The following NRG3 variants were observed in gnomAD, a reference collection of about 807,000 sequenced individuals.
NRG3 encodes the protein pro-neuregulin-3, membrane-bound isoform.
NRG3 carries 31 observed loss-of-function variants against 66.9 expected under a neutral mutation model. The observed-to-expected ratio is 0.46, with a 90% CI of 0.35 to 0.63. The LOEUF is 0.63. NRG3 is among the 20% of genes least tolerant of loss of function. NRG3 has a pLI of 0.00. For missense variants in NRG3, 910 were observed against 878.9 expected, an observed-to-expected ratio of 1.04 and a Z score of -0.45; for synonymous variants, 393 against 359.4, an observed-to-expected ratio of 1.09 and a Z score of -1.06.
intron 3 of NRG3, among the ~76,000 whole-genome samples, chr10:82,843,458 C>A (rs546899960): frequency 6.6e-6 from 1 of 152,046 alleles, no homozygotes; most frequent in South Asian, 2.1e-4. Flanking sequence ...TTCTATTCAT[C>A]GTAAATTACA....
At chr10:82,583,960 C>T (rs140251588) in intron 2 of NRG3, among the ~76,000 whole-genome samples, 1 of 152,042 alleles carries the variant, frequency 6.6e-6, no homozygotes, top group African/African-American at 2.4e-5. Context: ...TATTTATAAC[C>T]CTTATTTATA....
intron 2 of NRG3, among the ~76,000 whole-genome samples, chr10:82,549,456 G>T (rs145150164): frequency 6.6e-6 from 1 of 152,284 alleles, no homozygotes; most frequent in African/African-American, 2.4e-5. Context: ...AATGCAGAGG[G>T]TAGGGAGCCA....
intron 1 of NRG3, among the ~76,000 whole-genome samples, chr10:82,182,797 AT>A (rs1365623182): frequency 6.6e-6 from 1 of 151,700 alleles, no homozygotes; most frequent in Non-Finnish European, 1.5e-5. Flanking sequence ...CTCCATTAGC[AT>A]TTTTTTGTAG....
intron 2 of NRG3, among the ~76,000 whole-genome samples, chr10:82,473,455 A>AT (rs1177312551): frequency 4.6e-5 from 7 of 152,236 alleles, no homozygotes; most frequent in African/African-American, 1.7e-4. Flanking sequence ...CCATGGCAAC[A>AT]TGAAAACAAA....
chr10:82,441,375 C>T (rs772683456), intron 2 of NRG3, among the ~76,000 whole-genome samples: 10 of 152,154 alleles, frequency 6.6e-5, no homozygotes, highest in South Asian at 4.1e-4. Flanking sequence ...GGATGATTTG[C>T]GAGTCAACTG....
chr10:82,916,590 A>T (rs989747876), intron 4 of NRG3, among the ~76,000 whole-genome samples: 2 of 152,076 alleles, frequency 1.3e-5, no homozygotes, highest in South Asian at 4.1e-4. Flanking sequence ...ATAGATGCAT[A>T]TTAAGTACAA....
At chr10:82,494,968 T>G (rs983687600) in intron 2 of NRG3, among the ~76,000 whole-genome samples, 1 of 151,932 alleles carries the variant, frequency 6.6e-6, no homozygotes, top group African/African-American at 2.4e-5. Flanking sequence ...TGAGACAGTG[T>G]CTTGCTCTGT....
At chr10:82,246,017 G>GT (rs2077228484) in intron 1 of NRG3, among the ~76,000 whole-genome samples, 1 of 95,154 alleles carries the variant, frequency 1.1e-5, no homozygotes, top group Non-Finnish European at 1.9e-5. Flanking sequence ...AACATATATT[G>GT]TGAAACACTC....
intron 1 of NRG3, among the ~76,000 whole-genome samples, chr10:82,024,982 T>G (rs545179275): frequency 6.6e-6 from 1 of 152,196 alleles, no homozygotes; most frequent in South Asian, 2.1e-4. Context: ...TTCAATCTGT[T>G]CAGTGCTAAG....
chr10:82,508,922 C>T (rs978036430), intron 2 of NRG3, among the ~76,000 whole-genome samples: 1 of 152,154 alleles, frequency 6.6e-6, no homozygotes, highest in East Asian at 1.9e-4. Flanking sequence ...CATTTTTCTT[C>T]ATCTTTGGGA....
chr10:82,784,670 A>C (rs1213381130), intron 3 of NRG3, among the ~76,000 whole-genome samples: 2 of 152,050 alleles, frequency 1.3e-5, no homozygotes, highest in Non-Finnish European at 2.9e-5. Context: ...ATCTCACACC[A>C]GTTAGAATGG....
chr10:82,438,944 A>G (rs762396562), intron 2 of NRG3, among the ~76,000 whole-genome samples: 17 of 150,220 alleles, frequency 1.1e-4, no homozygotes, highest in Non-Finnish European at 2.5e-4. Context: ...TTTTTTTTTC[A>G]TATGAGTCTC....
chr10:82,377,769 G>A (rs536216902), intron 2 of NRG3, among the ~76,000 whole-genome samples: 1 of 152,168 alleles, frequency 6.6e-6, no homozygotes, highest in South Asian at 2.1e-4. Context: ...GGCTTTCCTG[G>A]CTTCCCTGCT....
At position 82,087,851 on chromosome 10, in the gene NRG3, G is replaced by A. The variant is rs183480684; in HGVS notation, c.823+211688G>A. ...GTCCACTCCAGGTCTCAGCCTATTAGCACATCCTAGTTCCCTGGCCATGTT... is the reference window on the plus strand; with the variant it reads ...GTCCACTCCAGGTCTCAGCCTATTAACACATCCTAGTTCCCTGGCCATGTT... On this transcript the variant is annotated intron_variant, in intron 1 of 8. Transcript: ENST00000372141. Among the ~76,000 whole-genome samples, 61 of 152,238 alleles carry A rather than the reference G, an allele frequency of 4.0e-4. 2 individuals carry two copies. The East Asian group carries it at 8.9e-3, about 22-fold the overall frequency.
At chr10:82,024,905 A>G (rs1271515295) in intron 1 of NRG3, among the ~76,000 whole-genome samples, 1 of 152,084 alleles carries the variant, frequency 6.6e-6, no homozygotes, top group Non-Finnish European at 1.5e-5. Context: ...TTTATTTGAG[A>G]GGTTAAATTT....
At chr10:82,585,929 C>A (rs2133259372) in intron 2 of NRG3, among the ~76,000 whole-genome samples, 1 of 152,228 alleles carries the variant, frequency 6.6e-6, no homozygotes, top group Non-Finnish European at 1.5e-5. Context: ...AATAGGATTA[C>A]TTAAAAACTG....
chr10:82,576,983 T>G (rs117674183), intron 2 of NRG3, among the ~76,000 whole-genome samples: 1 of 151,934 alleles, frequency 6.6e-6, no homozygotes, highest in Non-Finnish European at 1.5e-5. Context: ...GAGTGACTTT[T>G]ATTTGCCAGT....
At chr10:82,271,376 T>C (rs981179818) in intron 1 of NRG3, among the ~76,000 whole-genome samples, 4 of 152,076 alleles carry the variant, frequency 2.6e-5, no homozygotes, top group Non-Finnish European at 5.9e-5. Flanking sequence ...GAAATCATGA[T>C]GCTACCTATC....
chr10:82,562,363 A>G (rs1432395656), intron 2 of NRG3, among the ~76,000 whole-genome samples: 1 of 152,210 alleles, frequency 6.6e-6, no homozygotes, highest in Non-Finnish European at 1.5e-5. Context: ...TCAGCTGCCA[A>G]CCAATACAGA....
Sources: gnomAD v4.1 joint callset for allele counts (sites outside exome capture counted in the v4.1 genomes callset) on GRCh38, gnomAD v4.1.1 for gene constraint, MANE v1.5 for transcripts, NCBI Gene and HGNC (gene_info 2026-07-23, HGNC 2026-07-21) for gene names.